The following DOCK3 variants were observed in gnomAD, a reference collection of about 807,000 sequenced individuals.
DOCK3 encodes the protein dedicator of cytokinesis protein 3.
DOCK3 carries 60 observed loss-of-function variants against 265.6 expected under a neutral mutation model. The observed-to-expected ratio is 0.23, with a 90% confidence interval of 0.18 to 0.28. The LOEUF is 0.28. Among genes scored for constraint, DOCK3 ranks in the 10% least tolerant of loss-of-function variants. DOCK3 has a pLI of 1.00. For missense variants in DOCK3, 1,981 were observed against 2,594.3 expected (o/e 0.76, Z 5.14); for synonymous variants, 881 against 938.0 (o/e 0.94, Z 1.11).
chr3:51,121,531 C>T (rs2084017742), intron 9 of DOCK3, among the ~76,000 whole-genome samples: 2 of 152,122 alleles, frequency 1.3e-5, no homozygotes, highest in Admixed American at 6.5e-5. Context: ...GGAGAGATTG[C>T]TCAGTGGGGC....
At chr3:50,892,579 T>C (rs917849820) in intron 4 of DOCK3, among the ~76,000 whole-genome samples, 1 of 152,068 alleles carries the variant, frequency 6.6e-6, no homozygotes, top group Non-Finnish European at 1.5e-5. Context: ...CAAACATCTC[T>C]AGCATTTGTG....
chr3:51,113,981 T>A (rs545960794), intron 9 of DOCK3, among the ~76,000 whole-genome samples: 2 of 152,154 alleles, frequency 1.3e-5, no homozygotes, highest in African/African-American at 4.8e-5. Flanking sequence ...TGGTGGCACA[T>A]GCTTGTAGTC....
intron 4 of DOCK3, among the ~76,000 whole-genome samples, chr3:50,909,465 C>T (rs1235974799): frequency 6.6e-6 from 1 of 151,916 alleles, no homozygotes; most frequent in Non-Finnish European, 1.5e-5. Flanking sequence ...CTCTTCTTCG[C>T]TTATGAAGCT....
At chr3:51,010,259 G>A (rs1382876826) in intron 5 of DOCK3, among the ~76,000 whole-genome samples, 2 of 152,056 alleles carry the variant, frequency 1.3e-5, no homozygotes, top group African/African-American at 2.4e-5. Context: ...GTCTAAGTCT[G>A]TTTGTTGGTC....
chr3:50,711,411 G>A lies in DOCK3; in HGVS notation c.37+36111G>A, dbSNP rs562859977. ...CGAGTAGCTGGGACTACAGGTGCCC[G>A]CCACCACGCCTGGCTAATTTTTTGT... On this transcript the variant is annotated intron_variant, in intron 1 of 52. Coordinates refer to ENST00000266037, the MANE Select transcript of DOCK3 (RefSeq NM_004947.5). Among the ~76,000 whole-genome samples, 124 of 151,704 alleles carry A rather than the reference G, an allele frequency of 8.2e-4. 2 individuals are homozygous for A. Among genetic ancestry groups the A allele is most frequent in the Non-Finnish European group, 7.4e-4 (50 of 67,886 alleles).
chr3:50,882,769 A>G (rs918262499), intron 3 of DOCK3, among the ~76,000 whole-genome samples: 1 of 152,220 alleles, frequency 6.6e-6, no homozygotes, highest in Admixed American at 6.5e-5. Context: ...ATTACTGGAC[A>G]TATACCCAAA....
At chr3:50,693,631 G>A (rs1458827830) in intron 1 of DOCK3, among the ~76,000 whole-genome samples, 1 of 138,586 alleles carries the variant, frequency 7.2e-6, no homozygotes, top group East Asian at 2.3e-4. Flanking sequence ...TACCTCCTGT[G>A]TTCAAGCCAT....
chr3:51,267,064 A>G (rs536739847), intron 23 of DOCK3, among the ~76,000 whole-genome samples: 1 of 152,322 alleles, frequency 6.6e-6, no homozygotes, highest in Admixed American at 6.5e-5. Context: ...AACATATGAA[A>G]AAAAGCTCAT....
intron 5 of DOCK3, among the ~76,000 whole-genome samples, chr3:51,015,437 T>A (rs940260415): frequency 6.6e-6 from 1 of 151,800 alleles, no homozygotes; most frequent in African/African-American, 2.4e-5. Flanking sequence ...CATTGATTGA[T>A]TTGCATATTT....
chr3:51,065,827 T>G (rs999301719), intron 6 of DOCK3, among the ~76,000 whole-genome samples: 1 of 152,186 alleles, frequency 6.6e-6, no homozygotes, highest in Non-Finnish European at 1.5e-5. Context: ...CTTTTAAGTT[T>G]GAATGGACAA....
intron 2 of DOCK3, among the ~76,000 whole-genome samples, chr3:50,814,710 T>A (rs1292033462): frequency 6.6e-6 from 1 of 152,254 alleles, no homozygotes; most frequent in African/African-American, 2.4e-5. Context: ...CTCTTTCAGT[T>A]GTATTTATCT....
At chr3:51,007,151 G>A (rs1250009624) in intron 5 of DOCK3, among the ~76,000 whole-genome samples, 1 of 152,170 alleles carries the variant, frequency 6.6e-6, no homozygotes, top group Non-Finnish European at 1.5e-5. Context: ...TAATGGGATG[G>A]CTGGGTCAAA....
chr3:51,083,858 C>T (rs1179897072), intron 7 of DOCK3, among the ~76,000 whole-genome samples: 1 of 152,080 alleles, frequency 6.6e-6, no homozygotes, highest in Non-Finnish European at 1.5e-5. Flanking sequence ...GTGATGTGCA[C>T]CTGTAGGCCC....
intron 2 of DOCK3, among the ~76,000 whole-genome samples, chr3:50,822,348 C>CA: frequency 6.6e-6 from 1 of 151,918 alleles, no homozygotes; most frequent in Admixed American, 6.6e-5. Context: ...GATTTTTGTA[C>CA]ATCGATTTTG....
intron 5 of DOCK3, among the ~76,000 whole-genome samples, chr3:51,043,448 A>G (rs1217801681): frequency 1.3e-5 from 2 of 152,198 alleles, no homozygotes; most frequent in African/African-American, 4.8e-5. Flanking sequence ...AGATGGATAA[A>G]AGACTTAAAT....
rs112947935 is a variant in DOCK3, at chr3:51,100,820, G to T, written c.746+10436G>T. Among the ~76,000 whole-genome samples, 7 of 150,286 alleles carry T rather than the reference G, an allele frequency of 4.7e-5. 2 individuals are homozygous for T. Among genetic ancestry groups the T allele is most frequent in the African/African-American group, 1.7e-4 (7 of 40,884 alleles). The stretch of plus-strand genomic sequence containing the variant: ...TATCTTTTTTTTTTTTTTGAGATAG[G>T]ATCTTGCCCTGTTGCTCAGGCTGGA... On this transcript the variant is annotated intron_variant, in intron 9 of 52. Coordinates refer to ENST00000266037, the MANE Select transcript of DOCK3 (RefSeq NM_004947.5).
intron 2 of DOCK3, among the ~76,000 whole-genome samples, chr3:50,799,368 T>C (rs1046700468): frequency 6.6e-6 from 1 of 152,240 alleles, no homozygotes; most frequent in African/African-American, 2.4e-5. Context: ...TTTCCATTTC[T>C]TTGGGTCCTC....
chr3:51,129,738 C>T (rs944592460), intron 9 of DOCK3, among the ~76,000 whole-genome samples: 1 of 152,148 alleles, frequency 6.6e-6, no homozygotes, highest in African/African-American at 2.4e-5. Flanking sequence ...TCCCAAAGGC[C>T]TCCGCTACGA....
intron 21 of DOCK3, 106 bp downstream of exon 21, chr3:51,237,696 A>G (rs1320642566): frequency 1.0e-6 from 1 of 972,630 alleles, no homozygotes; most frequent in African/African-American, 1.7e-5. Flanking sequence ...CTGACTTTTT[A>G]AAAATTTTAT....
Sources: allele counts gnomAD v4.1 joint callset (sites outside exome capture counted in the v4.1 genomes callset), GRCh38; gene constraint gnomAD v4.1.1; transcripts MANE v1.5; gene names NCBI Gene and HGNC (gene_info 2026-07-23, HGNC 2026-07-21).